MOB2: variants seen among roughly 807,000 people sequenced by gnomAD.
The protein encoded by MOB2 is MOB2 Mps One Binder homolog.
Under a neutral mutation model 27.4 loss-of-function variants are expected in MOB2, and 14 were observed. The ratio of observed to expected loss-of-function variants is 0.51; its 90% CI spans 0.34 to 0.80. The LOEUF is 0.80. MOB2 is among the 30% of genes least tolerant of loss of function. The pLI, the probability that MOB2 is intolerant of heterozygous loss-of-function variation, is 0.01. For synonymous variants in MOB2, 167 were observed against 151.8 expected (o/e 1.10, Z -0.74); for missense variants, 304 against 354.6 (o/e 0.86, Z 1.15).
chr11:1,476,490 T>C (rs1177724831), intron 3 of MOB2, among the ~76,000 whole-genome samples: 2 of 152,356 alleles, frequency 1.3e-5, no homozygotes, highest in South Asian at 2.1e-4. Flanking sequence ...CTCCTTTTTA[T>C]TGATCATTGC....
At chr11:1,482,806 G>A (rs1158300832) in intron 1 of MOB2, among the ~76,000 whole-genome samples, 1 of 152,254 alleles carries the variant, frequency 6.6e-6, no homozygotes, top group Non-Finnish European at 1.5e-5. Context: ...CATGGCCTCT[G>A]CTCCAGGAAC....
intron 4 of MOB2, among the ~76,000 whole-genome samples, chr11:1,470,917 C>G (rs1017050476): frequency 2.0e-5 from 3 of 152,370 alleles, no homozygotes; most frequent in Non-Finnish European, 4.4e-5. Context: ...TCTGGCAGCA[C>G]GGGAGTGGCG....
intron 1 of MOB2, among the ~76,000 whole-genome samples, chr11:1,484,921 G>A (rs1847954689): frequency 6.6e-6 from 1 of 152,200 alleles, no homozygotes; most frequent in Admixed American, 6.5e-5. Flanking sequence ...AAACAGGTCA[G>A]CAGCCCCAGA....
intron 3 of MOB2, among the ~76,000 whole-genome samples, chr11:1,479,307 C>G (rs923995926): frequency 3.3e-5 from 5 of 152,212 alleles, no homozygotes; most frequent in African/African-American, 1.2e-4. Context: ...CCTGCCACCT[C>G]AGGACCCATC....
chr11:1,480,540 C>T lies in MOB2; in HGVS notation c.272-54G>A, dbSNP rs1000906956. On this transcript the variant is annotated intron_variant, in intron 2 of 4. Transcript: ENST00000329957. ...GAAAAACGCCAGAGCTGAGCCGCCC[C>T]GTCCACCCCTGCTTCCAGCAACAGG... is the stretch of plus-strand genomic sequence containing the variant. 22 of 1,582,848 alleles carry T rather than the reference C, an allele frequency of 1.4e-5. 1 individual carries two copies. The South Asian group carries it at 1.6e-4, about 11-fold the overall frequency.
chr11:1,484,954 A>C (rs1198059488), intron 1 of MOB2, among the ~76,000 whole-genome samples: 1 of 152,152 alleles, frequency 6.6e-6, no homozygotes, highest in East Asian at 1.9e-4. Context: ...TTACCAGCCT[A>C]CTGTGCCCTC....
chr11:1,476,331 C>T (rs889885773), intron 3 of MOB2, among the ~76,000 whole-genome samples: 2 of 152,192 alleles, frequency 1.3e-5, no homozygotes, highest in Non-Finnish European at 2.9e-5. Context: ...TGATATACTG[C>T]GCTTTCCAAA....
chr11:1,486,430 A>T lies in MOB2; in HGVS notation c.110+17T>A. 6.6e-7 allele frequency: 1 copy of T among 1,525,534 alleles called. No individual in the cohort carries two copies. The highest frequency in any genetic ancestry group is 8.8e-7 in the Non-Finnish European group (1 of 1,137,470). The allele number at this position is 1,525,534 out of a possible 1,614,324, so 94.5% of individuals were successfully genotyped here. ...TGTGCTACACACCCCTCCCCCAGCC[A>T]GGCTGGCAGGTGTTACCTGAGCACT... On this transcript the variant is annotated intron_variant, in intron 1 of 4. Transcript: ENST00000329957.
chr11:1,479,850 C>A (rs1034736883), intron 3 of MOB2, among the ~76,000 whole-genome samples: 2 of 152,244 alleles, frequency 1.3e-5, no homozygotes, highest in Non-Finnish European at 2.9e-5. Context: ...GCAACCCAGG[C>A]CTGGCGGCGC....
intron 1 of MOB2, among the ~76,000 whole-genome samples, chr11:1,486,103 G>A (rs1847966995): frequency 1.3e-5 from 2 of 152,256 alleles, no homozygotes; most frequent in Admixed American, 1.3e-4. Context: ...GGAGGACAAG[G>A]CAGGCTCCTG....
intron 4 of MOB2, 131 bp from the exon 5 acceptor site, chr11:1,470,619 A>G: frequency 8.5e-6 from 9 of 1,063,030 alleles, no homozygotes; most frequent in Non-Finnish European, 1.2e-5. Context: ...CAGGGCCTAC[A>G]AAGCCCCAGC....
intron 3 of MOB2, among the ~76,000 whole-genome samples, chr11:1,476,431 G>T (rs752611695): frequency 6.6e-6 from 1 of 151,998 alleles, no homozygotes; most frequent in Non-Finnish European, 1.5e-5. Context: ...ACATCCACTG[G>T]GTCTACAGTG....
chr11:1,483,342 A>AG (rs1474948635), intron 1 of MOB2, among the ~76,000 whole-genome samples: 4 of 152,226 alleles, frequency 2.6e-5, no homozygotes, highest in Non-Finnish European at 5.9e-5. Flanking sequence ...ATGGCGCTGA[A>AG]GGGACTGGGG....
chr11:1,470,146 GTGTGCCCC>G lies in MOB2; in HGVS notation c.*18_*25del. On this transcript the variant is annotated 3_prime_UTR_variant, in exon 5 of 5. Coordinates refer to ENST00000329957, the MANE Select transcript of MOB2 (RefSeq NM_001172223.3). ...CACACACCACCGTCTCTTTGCACAC[GTGTGCCCC>G]TGTCCGGCCCGGGGGGCTCATCTCT... 1 of 1,567,654 alleles carries G rather than the reference GTGTGCCCC, an allele frequency of 6.4e-7. No homozygotes were observed. The highest frequency in any genetic ancestry group is 8.6e-7 in the Non-Finnish European group (1 of 1,157,146).
At chr11:1,480,254 T>C in intron 3 of MOB2, 139 bp downstream of exon 3, 1 of 736,896 alleles carries the variant, frequency 1.4e-6, no homozygotes. Context: ...AGGTGGATGT[T>C]GTGGAAGGCC....
At chr11:1,483,310 C>T (rs1847936852) in intron 1 of MOB2, among the ~76,000 whole-genome samples, 1 of 152,190 alleles carries the variant, frequency 6.6e-6, no homozygotes, top group Admixed American at 6.5e-5. Flanking sequence ...GGGAGCAGGC[C>T]CCGGCCGCAG....
rs1180797818 is a variant in MOB2, at chr11:1,469,661, C to G, written c.*511G>C. On this transcript the variant is annotated 3_prime_UTR_variant, in exon 5 of 5. Coordinates refer to ENST00000329957, the MANE Select transcript of MOB2 (RefSeq NM_001172223.3). ...AGGAGCAGGTGCAGGGCACCTCACA[C>G]CACAGGCCTCCCCCACCTCTGAGCT... 4 of 457,246 alleles carry G rather than the reference C, an allele frequency of 8.7e-6. No homozygotes were observed. Among genetic ancestry groups the G allele is most frequent in the Non-Finnish European group, 1.8e-5 (4 of 227,522 alleles). The allele number at this position is 457,246 out of a possible 1,614,324, so 28.3% of individuals were successfully genotyped here. A position where few individuals can be genotyped will look rare whatever the true frequency, so the allele number is the denominator to read the frequency against.
intron 1 of MOB2, among the ~76,000 whole-genome samples, chr11:1,482,864 G>T (rs949708374): frequency 6.6e-6 from 1 of 152,168 alleles, no homozygotes; most frequent in South Asian, 2.1e-4. Context: ...AGCCCCGAAC[G>T]CCTGGCAGCA....
rs773793830 is a variant in MOB2 at position 1,469,810 on chromosome 11, C to G, written c.*362G>C. On this transcript the variant is annotated 3_prime_UTR_variant, in exon 5 of 5. Transcript: ENST00000329957. Reference sequence around the variant, plus strand: ...CCCAGGTCTGCAAATCACACCCTCCCCCCACGAGTTCCTCCTTTGAGGCCA... The same window carrying G: ...CCCAGGTCTGCAAATCACACCCTCCGCCCACGAGTTCCTCCTTTGAGGCCA... The G allele has an allele frequency of 5.7e-6, 3 of 524,798 alleles. No homozygotes were observed. Among genetic ancestry groups the G allele is most frequent in the South Asian group, 1.5e-5 (1 of 65,184 alleles). The allele number at this position is 524,798 out of a possible 1,614,324, so 32.5% of individuals were successfully genotyped here.
Sources: gnomAD v4.1 joint callset for allele counts (sites outside exome capture counted in the v4.1 genomes callset) on GRCh38, gnomAD v4.1.1 for gene constraint, MANE v1.5 for transcripts, NCBI Gene and HGNC (gene_info 2026-07-23, HGNC 2026-07-21) for gene names.